Variants in TVP23A observed in about 807,000 individuals in gnomAD.
TVP23A encodes the protein Golgi apparatus membrane protein TVP23 homolog A.
Under a neutral mutation model 31.7 loss-of-function variants are expected in TVP23A, and 21 were observed. The ratio of observed to expected loss-of-function variants is 0.66; its 90% CI spans 0.47 to 0.95. The LOEUF is 0.95. Ranked by LOEUF, TVP23A falls within the 40% of genes least tolerant of loss-of-function variation. The pLI is 0.00. For missense variants in TVP23A, 279 were observed against 255.6 expected (o/e 1.09, Z -0.62); for synonymous variants, 104 against 96.0 (o/e 1.08, Z -0.49).
In TVP23A at chr16:10,768,001, A is replaced by G. The variant is rs750052496; in HGVS notation, c.*1101T>C. On this transcript the variant is annotated 3_prime_UTR_variant, in exon 8 of 8. Transcript: ENST00000299866. The surrounding 1 kb of genome is among the most constrained non-coding windows in gnomAD (Gnocchi z 4.3). ...TTTTCATTGACGCCCCAGATTCCCC[A>G]GCCACGTTAGCCTACAGAAGTATAA... is the stretch of plus-strand genomic sequence containing the variant. 3 of 1,614,020 alleles carry G rather than the reference A, an allele frequency of 1.9e-6. No individual in the cohort carries two copies. Among genetic ancestry groups the G allele is most frequent in the African/African-American group, 1.3e-5 (1 of 74,916 alleles).
chr16:10,772,043 T>TCTC (rs34216148), intron 5 of TVP23A, among the ~76,000 whole-genome samples: 71,794 of 151,684 alleles, frequency 0.47, 18,576 homozygotes, highest in African/African-American at 0.69. Flanking sequence ...ATGGTCTCCA[T>TCTC]CTGACGCAAA....
At position 10,766,899 on chromosome 16, in the gene TVP23A, T is replaced by G; in HGVS notation, c.*2203A>C. ...AGGACATTTCCTGTTATGGCTCAAG[T>G]GCGAATTGGCCTTATGTTCCCTGCC... is the stretch of plus-strand genomic sequence containing the variant. On this transcript the variant is annotated 3_prime_UTR_variant, in exon 8 of 8. Transcript: ENST00000299866. This position sits in a 1 kb window ranked among gnomAD's most constrained non-coding sequence, Gnocchi z 4.8. The G allele has an allele frequency of 2.5e-6, 1 of 398,600 alleles. No homozygotes were observed. The highest frequency in any genetic ancestry group is 4.4e-6 in the Non-Finnish European group (1 of 226,078). 24.7% of individuals were successfully genotyped at this position (398,600 alleles called of 1,614,324 possible).
intron 2 of TVP23A, among the ~76,000 whole-genome samples, chr16:10,807,952 A>T (rs1475477547): frequency 6.6e-6 from 1 of 152,166 alleles, no homozygotes; most frequent in East Asian, 1.9e-4. Context: ...GACTGAAGCC[A>T]TCCTCTCACC....
At chr16:10,758,436 G>A (rs1455225251), downstream of TVP23A, among the ~76,000 whole-genome samples, 1 of 152,220 alleles carries the variant, frequency 6.6e-6, no homozygotes, top group Non-Finnish European at 1.5e-5. Context: ...TCACGCCAGT[G>A]CAGTCCAGCC....
rs201119357 is a variant in TVP23A, at chr16:10,818,542, G to A, written c.-49C>T. 1.1e-5 allele frequency: 18 copies of A among 1,587,818 alleles called. No individual in the cohort carries two copies. In the African/African-American group the frequency reaches 2.2e-4, roughly 19 times the overall value. ...CGCCCAGGCCCGGGGCTCCAGCTCC[G>A]CCCGTCGCCGCTGAAGGGGTCGGAC... On this transcript the variant is annotated 5_prime_UTR_variant, in exon 1 of 8. Coordinates refer to ENST00000299866, the MANE Select transcript of TVP23A (RefSeq NM_001079512.4). The surrounding 1 kb of genome is among the most constrained non-coding windows in gnomAD (Gnocchi z 4.7).
chr16:10,765,292 C>A (rs914614763), downstream of TVP23A: 2 of 145,580 alleles, frequency 1.4e-5, no homozygotes, highest in Non-Finnish European at 3.0e-5. This position sits in a 1 kb window ranked among gnomAD's most constrained non-coding sequence, Gnocchi z 4.0. Flanking sequence ...CAACCATGCT[C>A]TAGCCTGGGT....
chr16:10,790,886 G>A (rs1432193669), intron 2 of TVP23A, among the ~76,000 whole-genome samples: 1 of 152,204 alleles, frequency 6.6e-6, no homozygotes, highest in Non-Finnish European at 1.5e-5. Context: ...AGGTCCCTGT[G>A]TTAATGTTAA....
intron 2 of TVP23A, among the ~76,000 whole-genome samples, chr16:10,798,531 C>T (rs2033527703): frequency 6.6e-6 from 1 of 152,208 alleles, no homozygotes; most frequent in African/African-American, 2.4e-5. Context: ...GGTGGTCATA[C>T]CCTCGTGTAG....
intron 2 of TVP23A, among the ~76,000 whole-genome samples, chr16:10,797,637 T>C (rs2033460658): frequency 6.6e-6 from 1 of 151,982 alleles, no homozygotes; most frequent in Admixed American, 6.6e-5. Flanking sequence ...AGACTGAGGA[T>C]TGAACCTGGG....
At chr16:10,772,022 T>C (rs950644450) in intron 5 of TVP23A, among the ~76,000 whole-genome samples, 13 of 131,544 alleles carry the variant, frequency 9.9e-5, no homozygotes, top group Non-Finnish European at 1.9e-4. Context: ...TGTTTCACCA[T>C]GTTAGCCAGG....
intron 3 of TVP23A, among the ~76,000 whole-genome samples, chr16:10,774,485 G>A (rs2031856528): frequency 6.6e-6 from 1 of 152,034 alleles, no homozygotes; most frequent in Admixed American, 6.6e-5. Flanking sequence ...GAGACCGGGT[G>A]GGAGATAATT....
At chr16:10,796,496 G>A (rs986107132) in intron 2 of TVP23A, among the ~76,000 whole-genome samples, 12 of 152,086 alleles carry the variant, frequency 7.9e-5, no homozygotes, top group African/African-American at 1.4e-4. Context: ...GCAGTGGCAC[G>A]GTCTCAGCTC....
chr16:10,780,501 C>T (rs549801504), intron 2 of TVP23A, among the ~76,000 whole-genome samples: 4 of 152,162 alleles, frequency 2.6e-5, no homozygotes, highest in Non-Finnish European at 5.9e-5. Flanking sequence ...TTTAACTTCA[C>T]CACTCATTCA....
Position 10,779,278 on chromosome 16 carries a change from C to G in TVP23A, c.90-4182G>C, listed in dbSNP as rs959030294. On this transcript the variant is annotated intron_variant, in intron 2 of 7. Coordinates refer to ENST00000299866, the MANE Select transcript of TVP23A (RefSeq NM_001079512.4). This position sits in a 1 kb window ranked among gnomAD's most constrained non-coding sequence, Gnocchi z 4.9. ...TCCTATTTTATGCAGGTTGCTCCATCAGCATCCTCCAAGTCCTCATTCAGT... is the reference window on the plus strand; with the variant it reads ...TCCTATTTTATGCAGGTTGCTCCATGAGCATCCTCCAAGTCCTCATTCAGT... 2.0e-5 allele frequency among the ~76,000 whole-genome samples: 3 copies of G among 152,232 alleles called. No homozygotes were observed. Among genetic ancestry groups the G allele is most frequent in the Admixed American group, 1.3e-4 (2 of 15,278 alleles).
Position 10,767,855 on chromosome 16 carries a change from C to A in TVP23A, c.*1247G>T. ...ACGAGTGAAGCGGGCTCAAGATCTT[C>A]CCATTGTCACCAGCACGGAAAGAGC... On this transcript the variant is annotated 3_prime_UTR_variant, in exon 8 of 8. Transcript: ENST00000299866. This position sits in a 1 kb window ranked among gnomAD's most constrained non-coding sequence, Gnocchi z 4.6. The A allele has an allele frequency of 8.7e-7, 1 of 1,151,226 alleles. No individual in the cohort carries two copies. The highest frequency in any genetic ancestry group is 1.3e-6 in the Non-Finnish European group (1 of 765,588). The allele number at this position is 1,151,226 out of a possible 1,614,324, so 71.3% of individuals were successfully genotyped here.
At position 10,771,655 on chromosome 16, in the gene TVP23A, A is replaced by T; in HGVS notation, c.582+15T>A. ...TGGAGAGGAGTGGTCCAAGAGTCAG[A>T]CCTCAGTTACTCACCGTCTGGAACA... On this transcript the variant is annotated intron_variant, in intron 6 of 7. Coordinates refer to ENST00000299866, the MANE Select transcript of TVP23A (RefSeq NM_001079512.4). 5 of 1,613,678 alleles carry T rather than the reference A, an allele frequency of 3.1e-6. No individual in the cohort carries two copies. Among genetic ancestry groups the T allele is most frequent in the African/African-American group, 1.3e-5 (1 of 75,012 alleles).
chr16:10,798,025 G>T (rs528547516), intron 2 of TVP23A, among the ~76,000 whole-genome samples: 10 of 142,820 alleles, frequency 7.0e-5, no homozygotes, highest in African/African-American at 2.6e-5. Context: ...GCGCCATCTC[G>T]GCTCACTGCA....
intron 2 of TVP23A, among the ~76,000 whole-genome samples, chr16:10,808,811 C>A (rs944351738): frequency 6.6e-6 from 1 of 152,038 alleles, no homozygotes. Context: ...AAACACTGGT[C>A]AAACCCCACA....
At chr16:10,761,614 G>A in intron 8 of TVP23A, 1 of 976,866 alleles carries the variant, frequency 1.0e-6, no homozygotes, top group Non-Finnish European at 1.5e-6. Context: ...CCTTTCTGCT[G>A]ACTAAAGGAA....
Sources: gnomAD v4.1 joint callset for allele counts (sites outside exome capture counted in the v4.1 genomes callset) on GRCh38, gnomAD v4.1.1 for gene constraint, Gnocchi (gnomAD v3.1) non-coding constraint, MANE v1.5 for transcripts, NCBI Gene and HGNC (gene_info 2026-07-23, HGNC 2026-07-21) for gene names.